STK38: variants seen among roughly 807,000 people sequenced by gnomAD.
STK38 encodes the protein serine/threonine kinase 38.
A neutral mutation model predicts 59.0 loss-of-function variants in STK38; 26 were observed. The ratio of observed to expected loss-of-function variants is 0.44; its 90% CI spans 0.32 to 0.61. The LOEUF is 0.61. Among genes scored for constraint, STK38 ranks in the 20% least tolerant of loss-of-function variants. The pLI, the probability that STK38 is intolerant of heterozygous loss-of-function variation, is 0.04. For missense variants in STK38, 433 were observed against 566.0 expected (o/e 0.76, Z 2.38); for synonymous variants, 175 against 176.6 (o/e 0.99, Z 0.07).
chr6:36,532,309 TAAAA>T (rs1359068323), intron 2 of STK38, among the ~76,000 whole-genome samples: 1 of 67,522 alleles, frequency 1.5e-5, no homozygotes. Context: ...CTTGTCTGCA[TAAAA>T]AAAAAAAAAA....
chr6:36,507,434 T>TA, intron 8 of STK38, 66 bp downstream of exon 8: 1 of 1,325,684 alleles, frequency 7.5e-7, no homozygotes, highest in Non-Finnish European at 1.1e-6. Context: ...CTAATTTGGT[T>TA]ACAAGGGAAA....
chr6:36,544,730 G>C (rs1451344822), intron 1 of STK38, among the ~76,000 whole-genome samples: 1 of 152,106 alleles, frequency 6.6e-6, no homozygotes, highest in Non-Finnish European at 1.5e-5. Flanking sequence ...AAATTGGCCA[G>C]GTGTGGTAGC....
chr6:36,543,543 A>G (rs1027201895), intron 1 of STK38, among the ~76,000 whole-genome samples: 3 of 152,126 alleles, frequency 2.0e-5, no homozygotes, highest in African/African-American at 7.2e-5. Flanking sequence ...CCAGGAGTTC[A>G]TGAGTCCAGG....
rs4598 is a variant in STK38 at position 36,494,230 on chromosome 6, G to A, written c.*1554C>T. The A allele has an allele frequency of 0.24, 36,186 of 152,514 alleles. 4,511 individuals carry two copies. The highest frequency in any genetic ancestry group is 0.39 in the East Asian group (2,012 of 5,176). The allele number at this position is 152,514 out of a possible 1,614,324, so 9.4% of individuals were successfully genotyped here. A position where few individuals can be genotyped will look rare whatever the true frequency, so the allele number is the denominator to read the frequency against. On this transcript the variant is annotated 3_prime_UTR_variant, in exon 14 of 14. Coordinates refer to ENST00000229812, the MANE Select transcript of STK38 (RefSeq NM_007271.4). ...TTCCTCTAAGAGGTTAAAATCCAAA[G>A]TAGTTTCACTGACAACTGTAACTCT...
chr6:36,539,289 G>A (rs1777874254), intron 2 of STK38, among the ~76,000 whole-genome samples: 2 of 151,806 alleles, frequency 1.3e-5, no homozygotes, highest in South Asian at 2.1e-4. Flanking sequence ...AGGAGGCTGA[G>A]GCACGAGAAC....
chr6:36,540,038 C>T (rs747914990), intron 2 of STK38, 34 bp downstream of exon 2: 5 of 1,611,614 alleles, frequency 3.1e-6, no homozygotes, highest in Non-Finnish European at 3.4e-6. Flanking sequence ...AATGCCACAA[C>T]CATGACACAA....
At chr6:36,509,046 T>C in intron 7 of STK38, among the ~76,000 whole-genome samples, 1 of 152,240 alleles carries the variant, frequency 6.6e-6, no homozygotes, top group Admixed American at 6.5e-5. Flanking sequence ...GCCGCCGCTC[T>C]TCTCTCCTTC....
rs138695966 is a variant in STK38, at chr6:36,546,456, G to C, written c.-6+734C>G. The stretch of plus-strand genomic sequence containing the variant: ...AATTCAGAGGCAGGGTGAGCTCAAA[G>C]GGTGGAGACACTCAGGGTCTACTTC... On this transcript the variant is annotated intron_variant, in intron 1 of 13. Transcript: ENST00000229812. 6.8e-4 allele frequency among the ~76,000 whole-genome samples: 103 copies of C among 152,298 alleles called. 1 individual carries two copies. The highest frequency in any genetic ancestry group is 2.2e-3 in the African/African-American group (92 of 41,556).
chr6:36,510,591 C>A (rs1481595601), intron 7 of STK38, among the ~76,000 whole-genome samples: 1 of 152,238 alleles, frequency 6.6e-6, no homozygotes, highest in Non-Finnish European at 1.5e-5. Context: ...CTGGCATCTT[C>A]CCAGCAGAGG....
At position 36,499,828 on chromosome 6, in the gene STK38, T is replaced by G. The variant is rs371000395; in HGVS notation, c.952+45A>C. 4.8e-6 allele frequency: 7 copies of G among 1,455,646 alleles called. No homozygotes were observed. The African/African-American group carries it at 7.0e-5, about 14-fold the overall frequency. The allele number at this position is 1,455,646 out of a possible 1,614,324, so 90.2% of individuals were successfully genotyped here. A position where few individuals can be genotyped will look rare whatever the true frequency, so the allele number is the denominator to read the frequency against. ...AGAGGCTGGTATCAATGTAAAAGTC[T>G]GTCATGGATGCACAGAAAAAGTCCT... is the stretch of plus-strand genomic sequence containing the variant. On this transcript the variant is annotated intron_variant, in intron 10 of 13. Transcript: ENST00000229812.
At chr6:36,530,754 A>C (rs895931414) in intron 2 of STK38, among the ~76,000 whole-genome samples, 2 of 150,572 alleles carry the variant, frequency 1.3e-5, no homozygotes, top group African/African-American at 4.9e-5. Context: ...GCATGGCACA[A>C]TCTCGGCTCA....
At chr6:36,503,434 G>GTGTGTGTGTGTGTGTT (rs1776888030) in intron 9 of STK38, among the ~76,000 whole-genome samples, 1 of 151,172 alleles carries the variant, frequency 6.6e-6, no homozygotes, top group Admixed American at 6.6e-5. Flanking sequence ...AGCTAAGTGT[G>GTGTGTGTGTGTGTGTT]TGTGTGTGTG....
chr6:36,512,745 C>T (rs1056273805), intron 7 of STK38, among the ~76,000 whole-genome samples: 1 of 152,028 alleles, frequency 6.6e-6, no homozygotes, highest in Non-Finnish European at 1.5e-5. Flanking sequence ...CTGCAACCTC[C>T]GCCTCCCAGG....
chr6:36,545,238 A>C (rs1229754272), intron 1 of STK38, among the ~76,000 whole-genome samples: 1 of 141,756 alleles, frequency 7.1e-6, no homozygotes, highest in Non-Finnish European at 1.5e-5. Flanking sequence ...GGTTGCAGTG[A>C]GCCAAGATCA....
intron 1 of STK38, among the ~76,000 whole-genome samples, chr6:36,543,008 A>G (rs748978502): frequency 6.6e-6 from 1 of 152,156 alleles, no homozygotes; most frequent in Non-Finnish European, 1.5e-5. Context: ...AACCTGTATT[A>G]TCACACTTGG....
intron 1 of STK38, among the ~76,000 whole-genome samples, chr6:36,546,340 G>A (rs909194511): frequency 2.6e-5 from 4 of 152,204 alleles, no homozygotes; most frequent in Non-Finnish European, 5.9e-5. Context: ...TTAGGAGGAA[G>A]CTGGTATCTA....
At chr6:36,496,087 CAGGCTGG>C (rs1776698290) in intron 13 of STK38, among the ~76,000 whole-genome samples, 173 bp from the exon 14 acceptor site, 1 of 150,030 alleles carries the variant, frequency 6.7e-6, no homozygotes, top group Non-Finnish European at 1.5e-5. Flanking sequence ...GCTCTGTCGC[CAGGCTGG>C]AGTGCAGTGG....
In STK38 at chr6:36,497,814, A is replaced by T. The variant is rs1776741142; in HGVS notation, c.1138T>A (p.Ser380Thr). 1 of 1,613,696 alleles carries T rather than the reference A, an allele frequency of 6.2e-7. No homozygotes were observed. Among genetic ancestry groups the T allele is most frequent in the African/African-American group, 1.3e-5 (1 of 74,972 alleles). Residue 380 changes from serine to threonine, a missense_variant, in exon 12 of 14, where the codon TCT (serine) becomes ACT (threonine). Physicochemically the swap from Ser to Thr is moderately conservative, Grantham distance 58. Transcript: ENST00000229812. The stretch of plus-strand genomic sequence containing the variant: ...TCCCAGTCAACGCCTTCAAAAAAAG[A>T]GTTACTTTTTATTTCCTCAACTCCA... ...APGVEEIKSN[S>T]FFEGVDWEHI...
At chr6:36,536,444 A>T (rs1777792634) in intron 2 of STK38, among the ~76,000 whole-genome samples, 1 of 152,140 alleles carries the variant, frequency 6.6e-6, no homozygotes, top group Admixed American at 6.6e-5. Context: ...AGGTGGGAGG[A>T]CTACTTGAGG....
Sources: allele counts gnomAD v4.1 joint callset (sites outside exome capture counted in the v4.1 genomes callset), GRCh38; gene constraint gnomAD v4.1.1; transcripts MANE v1.5; gene names NCBI Gene and HGNC (gene_info 2026-07-23, HGNC 2026-07-21).